The following EFNA5 variants were observed in gnomAD, a reference collection of about 807,000 sequenced individuals.
The protein encoded by EFNA5 is ephrin A5, also known as ephrin-A5.
In EFNA5, 5 loss-of-function variants were observed where a neutral mutation model predicts 22.9. That is an observed-to-expected ratio of 0.22 (90% CI 0.11 to 0.46). EFNA5 has a LOEUF of 0.46. Ranked by LOEUF, EFNA5 falls within the 20% of genes least tolerant of loss-of-function variation. The probability of loss-of-function intolerance (pLI) is 0.99; values close to 1 mark genes in which losing one functional copy is unlikely to be tolerated. For synonymous variants in EFNA5, 113 were observed against 112.2 expected (o/e 1.01, Z -0.04); for missense variants, 237 against 293.3 (o/e 0.81, Z 1.40).
intron 1 of EFNA5, among the ~76,000 whole-genome samples, chr5:107,434,966 G>C (rs1749067243): frequency 6.6e-6 from 1 of 152,140 alleles, no homozygotes; most frequent in Non-Finnish European, 1.5e-5. Context: ...TATGATTTAT[G>C]GTCAAAGATT....
At chr5:107,665,194 T>C (rs1232699675) in intron 1 of EFNA5, among the ~76,000 whole-genome samples, 3 of 152,202 alleles carry the variant, frequency 2.0e-5, no homozygotes, top group African/African-American at 7.2e-5. Flanking sequence ...ATTCATTCAT[T>C]TTCTTGGCCC....
chr5:107,488,232 T>C (rs1746698270), intron 1 of EFNA5, among the ~76,000 whole-genome samples: 1 of 152,234 alleles, frequency 6.6e-6, no homozygotes, highest in Admixed American at 6.5e-5. Context: ...TTATCCCCCA[T>C]CTTGCGGCTT....
intron 1 of EFNA5, among the ~76,000 whole-genome samples, chr5:107,525,661 A>G (rs189551354): frequency 3.5e-4 from 54 of 152,266 alleles, no homozygotes; most frequent in African/African-American, 1.2e-3. Context: ...GTGGAAGTGG[A>G]TTATCATAAG....
intron 1 of EFNA5, among the ~76,000 whole-genome samples, chr5:107,438,021 G>A (rs1010635758): frequency 6.6e-6 from 1 of 152,142 alleles, no homozygotes; most frequent in African/African-American, 2.4e-5. Context: ...TTAAACACTG[G>A]AAAGTGATGC....
intron 1 of EFNA5, among the ~76,000 whole-genome samples, chr5:107,553,288 C>T (rs1209592144): frequency 6.6e-6 from 1 of 152,212 alleles, no homozygotes; most frequent in Non-Finnish European, 1.5e-5. Context: ...AGTGACCCTG[C>T]CATGGCTCGG....
intron 1 of EFNA5, among the ~76,000 whole-genome samples, chr5:107,595,493 T>C (rs947309266): frequency 3.3e-5 from 5 of 152,180 alleles, no homozygotes; most frequent in African/African-American, 1.2e-4. Flanking sequence ...TTTTTTACAT[T>C]CATAATTTAA....
intron 1 of EFNA5, among the ~76,000 whole-genome samples, chr5:107,508,610 G>T (rs909030523): frequency 6.6e-6 from 1 of 152,148 alleles, no homozygotes; most frequent in Admixed American, 6.5e-5. Flanking sequence ...GGTCAGCCCT[G>T]CCATTTTCAA....
intron 1 of EFNA5, among the ~76,000 whole-genome samples, chr5:107,453,967 A>ATG (rs1266705848): frequency 6.8e-6 from 1 of 146,316 alleles, no homozygotes; most frequent in Non-Finnish European, 1.5e-5. Context: ...GTGTGTGTGT[A>ATG]TGTGTGTGTG....
intron 1 of EFNA5, among the ~76,000 whole-genome samples, chr5:107,520,574 T>C (rs1747573684): frequency 6.6e-6 from 1 of 152,190 alleles, no homozygotes; most frequent in African/African-American, 2.4e-5. Context: ...TTTCATCTGG[T>C]AGGCAAGGGG....
At chr5:107,424,892 T>C (rs967492868) in intron 2 of EFNA5, among the ~76,000 whole-genome samples, 1 of 152,178 alleles carries the variant, frequency 6.6e-6, no homozygotes, top group African/African-American at 2.4e-5. Context: ...AAGGATGCCT[T>C]TGCGGGTCGA....
At chr5:107,465,532 C>G (rs918610287) in intron 1 of EFNA5, among the ~76,000 whole-genome samples, 17 of 152,138 alleles carry the variant, frequency 1.1e-4, no homozygotes, top group African/African-American at 3.9e-4. Flanking sequence ...GACAGCAAAG[C>G]TGACATGGTG....
At chr5:107,443,991 C>T (rs17533525) in intron 1 of EFNA5, among the ~76,000 whole-genome samples, 21,655 of 152,102 alleles carry the variant, frequency 0.14, 2,114 homozygotes, top group South Asian at 0.3. Flanking sequence ...ATGGAACAAT[C>T]CTTATTCTTC....
chr5:107,530,460 C>T (rs900728150), intron 1 of EFNA5, among the ~76,000 whole-genome samples: 2 of 152,112 alleles, frequency 1.3e-5, no homozygotes, highest in African/African-American at 4.8e-5. Flanking sequence ...TGTAAAAAGT[C>T]CAAAGAGCTA....
chr5:107,606,886 A>C (rs923313653), intron 1 of EFNA5, among the ~76,000 whole-genome samples: 11 of 152,100 alleles, frequency 7.2e-5, no homozygotes, highest in African/African-American at 2.7e-4. Context: ...ACAGCGCCCT[A>C]ATTTTTTTCT....
intron 1 of EFNA5, among the ~76,000 whole-genome samples, chr5:107,605,016 A>C (rs1444455717): frequency 6.6e-6 from 1 of 152,132 alleles, no homozygotes; most frequent in Non-Finnish European, 1.5e-5. Context: ...AAACTAGTTA[A>C]ACTAGTTGAT....
At chr5:107,497,523 G>C (rs1484907160) in intron 1 of EFNA5, among the ~76,000 whole-genome samples, 1 of 152,180 alleles carries the variant, frequency 6.6e-6, no homozygotes, top group African/African-American at 2.4e-5. Context: ...ATGGGAACCT[G>C]TCTGGTTTGC....
intron 2 of EFNA5, among the ~76,000 whole-genome samples, chr5:107,402,433 T>C (rs866310290): frequency 9.8e-5 from 15 of 152,352 alleles, no homozygotes; most frequent in Admixed American, 2.6e-4. Flanking sequence ...ATGATGCTTC[T>C]TCACTATGAA....
At chr5:107,632,299 A>G (rs1285322353) in intron 1 of EFNA5, among the ~76,000 whole-genome samples, 1 of 151,964 alleles carries the variant, frequency 6.6e-6, no homozygotes, top group African/African-American at 2.4e-5. Flanking sequence ...CTCCTCCAAC[A>G]TATTTTATTT....
At chr5:107,418,649 G>C (rs1280767088) in intron 2 of EFNA5, among the ~76,000 whole-genome samples, 1 of 152,078 alleles carries the variant, frequency 6.6e-6, no homozygotes, top group Non-Finnish European at 1.5e-5. Context: ...TGAACTTCTC[G>C]TCTGAGTGTC....
Sources: gnomAD v4.1 joint callset for allele counts (sites outside exome capture counted in the v4.1 genomes callset) on GRCh38, gnomAD v4.1.1 for gene constraint, MANE v1.5 for transcripts, NCBI Gene and HGNC (gene_info 2026-07-23, HGNC 2026-07-21) for gene names.